CIRSR: variants seen among roughly 807,000 people sequenced by gnomAD.
CIRSR encodes CBF1 (RBPJ) interacting corepressor 1.
the CIRSR span, chr2:174,370,044 C>G: frequency 7.3e-7 from 1 of 1,362,016 alleles, no homozygotes; most frequent in Non-Finnish European, 9.8e-7. Flanking sequence ...GAAGCATGAT[C>G]AAATAAGGCA....
the CIRSR span, among the ~76,000 whole-genome samples, chr2:174,388,855 C>T: frequency 6.6e-6 from 1 of 152,030 alleles, no homozygotes; most frequent in African/African-American, 2.4e-5. Context: ...ATCATGGGGG[C>T]GGTTACACTT....
the CIRSR span, among the ~76,000 whole-genome samples, chr2:174,388,157 C>T: frequency 7.9e-5 from 12 of 152,316 alleles, no homozygotes; most frequent in African/African-American, 2.4e-4. Context: ...GCCGCAATTA[C>T]ATCATTACAA....
At chr2:174,350,378 A>C in the CIRSR span, among the ~76,000 whole-genome samples, 2 of 152,238 alleles carry the variant, frequency 1.3e-5, no homozygotes, top group African/African-American at 4.8e-5. Flanking sequence ...GATACACACA[A>C]ATCTATTTTG....
the CIRSR span, among the ~76,000 whole-genome samples, chr2:174,383,849 CAAAAA>C: frequency 0.017 from 2,059 of 121,448 alleles, 38 homozygotes; most frequent in African/African-American, 0.052. Context: ...AGCTATCTTC[CAAAAA>C]AAAAAAAAAA....
At chr2:174,353,508 C>T in the CIRSR span, among the ~76,000 whole-genome samples, 14 of 152,118 alleles carry the variant, frequency 9.2e-5, no homozygotes, top group Admixed American at 7.9e-4. Flanking sequence ...TGCTCTGTTG[C>T]CCAGGCTGGA....
At chr2:174,354,552 T>G in the CIRSR span, among the ~76,000 whole-genome samples, 36 of 32,294 alleles carry the variant, frequency 1.1e-3, no homozygotes, top group South Asian at 6.6e-3. Context: ...TATATTATAT[T>G]ATATATATTT....
At chr2:174,365,785 C>T in the CIRSR span, among the ~76,000 whole-genome samples, 2 of 152,164 alleles carry the variant, frequency 1.3e-5, no homozygotes, top group Admixed American at 6.5e-5. Context: ...TCCCACAACA[C>T]GTGGGGATTT....
the CIRSR span, among the ~76,000 whole-genome samples, chr2:174,377,774 G>A: frequency 2.4e-4 from 30 of 127,154 alleles, no homozygotes; most frequent in South Asian, 5.3e-4. Flanking sequence ...GCAGTGAGCC[G>A]AGATTGCGCC....
chr2:174,366,373 C>T, the CIRSR span, among the ~76,000 whole-genome samples: 1 of 151,850 alleles, frequency 6.6e-6, no homozygotes, highest in East Asian at 1.9e-4. Flanking sequence ...AAGATAAATA[C>T]CAAAAAATCT....
the CIRSR span, among the ~76,000 whole-genome samples, chr2:174,370,745 T>C: frequency 6.6e-6 from 1 of 151,782 alleles, no homozygotes; most frequent in Non-Finnish European, 1.5e-5. Context: ...AAACCCCATC[T>C]CTACTAAAAA....
At chr2:174,386,585 A>G in the CIRSR span, among the ~76,000 whole-genome samples, 1 of 152,140 alleles carries the variant, frequency 6.6e-6, no homozygotes, top group Non-Finnish European at 1.5e-5. Context: ...CGGCATCCAT[A>G]GTCTCCACCC....
chr2:174,356,425 C>T, the CIRSR span, among the ~76,000 whole-genome samples: 1 of 151,752 alleles, frequency 6.6e-6, no homozygotes, highest in African/African-American at 2.4e-5. Context: ...CCTGTGATCT[C>T]ACCACTGCAC....
At chr2:174,372,455 C>T in the CIRSR span, among the ~76,000 whole-genome samples, 1 of 152,100 alleles carries the variant, frequency 6.6e-6, no homozygotes, top group Non-Finnish European at 1.5e-5. Context: ...GTTTCATAAC[C>T]TGCTTTTCTT....
the CIRSR span, among the ~76,000 whole-genome samples, chr2:174,357,423 A>C: frequency 4.6e-5 from 7 of 152,326 alleles, no homozygotes; most frequent in South Asian, 1.4e-3. Context: ...CTAAAGAAAA[A>C]GGAGGCCAAG....
At chr2:174,382,278 A>G in the CIRSR span, among the ~76,000 whole-genome samples, 2 of 152,214 alleles carry the variant, frequency 1.3e-5, no homozygotes, top group Non-Finnish European at 2.9e-5. Flanking sequence ...GTCAAATCCA[A>G]TCAGGGCTTG....
At chr2:174,381,704 CT>C in the CIRSR span, 4 of 1,579,078 alleles carry the variant, frequency 2.5e-6, no homozygotes, top group Admixed American at 3.9e-5. Flanking sequence ...AGATAAGTAC[CT>C]TTTTTAGCTC....
chr2:174,383,355 C>T, the CIRSR span, among the ~76,000 whole-genome samples: 1 of 134,476 alleles, frequency 7.4e-6, no homozygotes, highest in Non-Finnish European at 1.6e-5. Context: ...CTCCAAAAGT[C>T]TAAATATACT....
chr2:174,366,260 G>A, the CIRSR span, among the ~76,000 whole-genome samples: 1 of 152,104 alleles, frequency 6.6e-6, no homozygotes, highest in Non-Finnish European at 1.5e-5. Flanking sequence ...GAAGAATAGA[G>A]AGAAAGGAAC....
At chr2:174,368,065 AAT>A in the CIRSR span, among the ~76,000 whole-genome samples, 1 of 152,172 alleles carries the variant, frequency 6.6e-6, no homozygotes, top group Non-Finnish European at 1.5e-5. Context: ...AGGGCATCAA[AAT>A]ATATGAGGCA....
Sources: allele counts gnomAD v4.1 joint callset (sites outside exome capture counted in the v4.1 genomes callset), GRCh38; gene constraint gnomAD v4.1.1; transcripts MANE v1.5; gene names NCBI Gene and HGNC (gene_info 2026-07-23, HGNC 2026-07-21).